RARB: variants seen among roughly 807,000 people sequenced by gnomAD.
RARB encodes retinoic acid receptor beta.
Under a neutral mutation model 51.9 loss-of-function variants are expected in RARB, and 17 were observed. That is an observed-to-expected ratio of 0.33 (90% confidence interval 0.22 to 0.49). The LOEUF (loss-of-function observed/expected upper bound fraction) is 0.49. Ranked by LOEUF, RARB falls within the 20% of genes least tolerant of loss-of-function variation. The pLI is 0.99. For missense variants in RARB, 369 were observed against 550.8 expected (o/e 0.67, Z 3.30); for synonymous variants, 215 against 195.4 (o/e 1.10, Z -0.84).
chr3:25,322,559 T>G (rs896826449), intron 5 of RARB, among the ~76,000 whole-genome samples: 2 of 152,188 alleles, frequency 1.3e-5, no homozygotes, highest in African/African-American at 2.4e-5. Flanking sequence ...CTAATACTTA[T>G]GTGCTCTGGA....
intron 5 of RARB, among the ~76,000 whole-genome samples, chr3:25,356,119 A>G (rs567429101): frequency 2.6e-5 from 4 of 152,152 alleles, no homozygotes; most frequent in Non-Finnish European, 4.4e-5. Flanking sequence ...AGCTTTAAGG[A>G]GAGTAAGTGC....
intron 2 of RARB, among the ~76,000 whole-genome samples, chr3:25,044,789 C>T (rs759519463): frequency 1.3e-5 from 2 of 152,178 alleles, no homozygotes; most frequent in Non-Finnish European, 2.9e-5. Context: ...TTCCTAGCAG[C>T]ATTAGGACCT....
At chr3:24,894,952 A>T (rs1432829632) in intron 2 of RARB, among the ~76,000 whole-genome samples, 1 of 152,200 alleles carries the variant, frequency 6.6e-6, no homozygotes, top group African/African-American at 2.4e-5. Context: ...ATTTGAATTG[A>T]GTTGAAGAAC....
intron 5 of RARB, among the ~76,000 whole-genome samples, chr3:25,416,600 C>T (rs1707710707): frequency 6.6e-6 from 1 of 152,162 alleles, no homozygotes; most frequent in Non-Finnish European, 1.5e-5. Context: ...CTTTGTGGGC[C>T]ATACAGTTGC....
chr3:25,150,733 T>G (rs1402285951), intron 4 of RARB, among the ~76,000 whole-genome samples: 8 of 152,194 alleles, frequency 5.3e-5, no homozygotes, highest in Admixed American at 5.2e-4. Context: ...AGAACTTCTT[T>G]GAACTTCCAA....
intron 3 of RARB, among the ~76,000 whole-genome samples, chr3:25,531,383 G>A (rs1051747080): frequency 1.0e-5 from 1 of 100,392 alleles, no homozygotes; most frequent in African/African-American, 6.0e-5. Flanking sequence ...TAGATAGATA[G>A]ATAGGTAGAT....
At chr3:25,431,656 C>T (rs1708211300) in intron 1 of RARB, among the ~76,000 whole-genome samples, 1 of 152,146 alleles carries the variant, frequency 6.6e-6, no homozygotes, top group Non-Finnish European at 1.5e-5. Flanking sequence ...AATATAGTTG[C>T]TTTGGTGAAA....
chr3:25,002,359 G>A lies in RARB; in HGVS notation c.-379-57766G>A, dbSNP rs62228473. 5.3e-3 allele frequency among the ~76,000 whole-genome samples: 808 copies of A among 152,186 alleles called. 5 individuals are homozygous for A. Among genetic ancestry groups the A allele is most frequent in the Non-Finnish European group, 7.9e-3 (534 of 67,994 alleles). Reference sequence around the variant, plus strand: ...TATTCTTTGGAGATGTTCACACACTGTATCCCCAGTGCTTAGAGCAGTACT... The same window carrying A: ...TATTCTTTGGAGATGTTCACACACTATATCCCCAGTGCTTAGAGCAGTACT... On this transcript the variant is annotated intron_variant, in intron 2 of 11. Transcript: ENST00000383772.
At chr3:24,963,496 A>G (rs147334397) in intron 2 of RARB, among the ~76,000 whole-genome samples, 59 of 149,832 alleles carry the variant, frequency 3.9e-4, no homozygotes, top group African/African-American at 1.4e-3. Context: ...TCCCCTGAAA[A>G]AGAGATTATT....
intron 5 of RARB, among the ~76,000 whole-genome samples, chr3:25,396,489 G>T (rs1381940564): frequency 6.6e-6 from 1 of 152,212 alleles, no homozygotes; most frequent in Non-Finnish European, 1.5e-5. Context: ...CAGCCAGTTG[G>T]TGGCACTTTT....
intron 2 of RARB, among the ~76,000 whole-genome samples, chr3:25,058,092 C>G (rs1698476062): frequency 6.6e-6 from 1 of 152,060 alleles, no homozygotes; most frequent in East Asian, 1.9e-4. Context: ...CATTAACTTT[C>G]ACCTAAATGG....
intron 3 of RARB, among the ~76,000 whole-genome samples, chr3:25,531,412 ATAGATAGATAGAAGAT>A (rs1272252457): frequency 6.4e-5 from 7 of 110,170 alleles, no homozygotes; most frequent in East Asian, 5.7e-4. Context: ...AGATAGATAG[ATAGATAGATAGAAGAT>A]AGATAGATAC....
chr3:25,038,668 G>A (rs375154049), intron 2 of RARB, among the ~76,000 whole-genome samples: 1 of 152,218 alleles, frequency 6.6e-6, no homozygotes, highest in South Asian at 2.1e-4. Flanking sequence ...GCTTCCCAGG[G>A]ATTTCTTTCC....
At chr3:25,375,501 GT>G (rs890175077) in intron 5 of RARB, among the ~76,000 whole-genome samples, 1 of 152,102 alleles carries the variant, frequency 6.6e-6, no homozygotes, top group African/African-American at 2.4e-5. Context: ...TTTCTTTTGG[GT>G]CCCCTGGCTC....
intron 5 of RARB, among the ~76,000 whole-genome samples, chr3:25,229,794 C>T (rs770541426): frequency 1.3e-5 from 2 of 148,492 alleles, no homozygotes; most frequent in East Asian, 4.1e-4. Context: ...ATCCTACCTT[C>T]GTGTTCCTTC....
chr3:25,292,744 G>A (rs1703819933), intron 5 of RARB, among the ~76,000 whole-genome samples: 1 of 152,136 alleles, frequency 6.6e-6, no homozygotes, highest in Non-Finnish European at 1.5e-5. Flanking sequence ...TGGCAAGTGG[G>A]GAAGAAAGAG....
chr3:25,378,070 T>C (rs901361228), intron 5 of RARB, among the ~76,000 whole-genome samples: 1 of 152,234 alleles, frequency 6.6e-6, no homozygotes, highest in Non-Finnish European at 1.5e-5. Flanking sequence ...ATCAAAGTTA[T>C]GTTTTTCATC....
intron 2 of RARB, among the ~76,000 whole-genome samples, chr3:24,900,540 C>G (rs993151408): frequency 6.6e-6 from 1 of 152,126 alleles, no homozygotes; most frequent in African/African-American, 2.4e-5. Flanking sequence ...CCTCTCTTGT[C>G]GTTTGGTTCA....
At chr3:25,307,016 T>C (rs1704169410) in intron 5 of RARB, among the ~76,000 whole-genome samples, 1 of 152,160 alleles carries the variant, frequency 6.6e-6, no homozygotes, top group South Asian at 2.1e-4. Flanking sequence ...TGCCAGAGAC[T>C]TAAGTATGTC....
Sources: gnomAD v4.1 joint callset for allele counts (sites outside exome capture counted in the v4.1 genomes callset) on GRCh38, gnomAD v4.1.1 for gene constraint, MANE v1.5 for transcripts, NCBI Gene and HGNC (gene_info 2026-07-23, HGNC 2026-07-21) for gene names.